Variants in RFX4 observed in about 807,000 individuals in gnomAD.
RFX4 encodes the protein regulatory factor X4.
Under a neutral mutation model 95.0 loss-of-function variants are expected in RFX4, and 10 were observed. The ratio of observed to expected loss-of-function variants is 0.11; its 90% CI spans 0.06 to 0.18. The LOEUF is 0.18. RFX4 is among the 10% of genes least tolerant of loss of function. The probability of loss-of-function intolerance (pLI) is 1.00; values close to 1 mark genes in which losing one functional copy is unlikely to be tolerated. For missense variants in RFX4, 640 were observed against 922.0 expected (o/e 0.69, Z 3.96); for synonymous variants, 321 against 340.7 (o/e 0.94, Z 0.64).
intron 4 of RFX4, among the ~76,000 whole-genome samples, chr12:106,673,003 G>A (rs2041316351): frequency 6.6e-6 from 1 of 152,170 alleles, no homozygotes; most frequent in African/African-American, 2.4e-5. Flanking sequence ...TTCGGAGGAG[G>A]AGGAGAAGAT....
intron 2 of RFX4, among the ~76,000 whole-genome samples, chr12:106,629,250 T>C (rs947764450): frequency 5.3e-5 from 8 of 152,170 alleles, no homozygotes; most frequent in African/African-American, 1.9e-4. Context: ...TGCATTCTAA[T>C]TTAGTTACCC....
chr12:106,754,922 A>G (rs568830359), intron 17 of RFX4, among the ~76,000 whole-genome samples: 2 of 152,356 alleles, frequency 1.3e-5, no homozygotes, highest in South Asian at 2.1e-4. Flanking sequence ...GAAATTAATT[A>G]TATCAGTCTC....
At chr12:106,660,164 G>A (rs1163045271) in intron 4 of RFX4, among the ~76,000 whole-genome samples, 1 of 152,002 alleles carries the variant, frequency 6.6e-6, no homozygotes, top group Non-Finnish European at 1.5e-5. Flanking sequence ...GCTGGAAGAT[G>A]GGATACAGAG....
chr12:106,647,309 T>TC (rs140484094), intron 3 of RFX4, among the ~76,000 whole-genome samples: 2,090 of 152,326 alleles, frequency 0.014, 27 homozygotes, highest in Middle Eastern at 0.048. Context: ...GCCTAGCTTT[T>TC]CCCAGCAGAG....
At chr12:106,692,539 A>G (rs1565982288) in intron 7 of RFX4, among the ~76,000 whole-genome samples, 1 of 152,372 alleles carries the variant, frequency 6.6e-6, no homozygotes, top group East Asian at 1.9e-4. Flanking sequence ...AATGAACTAA[A>G]TATGAACATG....
intron 16 of RFX4, among the ~76,000 whole-genome samples, chr12:106,750,049 T>C (rs2042969848): frequency 6.6e-6 from 1 of 152,180 alleles, no homozygotes; most frequent in African/African-American, 2.4e-5. Flanking sequence ...GATGTTTGGC[T>C]CAGGGCTAGA....
intron 5 of RFX4, 93 bp from the exon 6 acceptor site, chr12:106,686,791 T>A (rs1252497163): frequency 8.2e-7 from 1 of 1,221,244 alleles, no homozygotes; most frequent in African/African-American, 1.5e-5. Context: ...TGGGCAACAC[T>A]CCCTACTCAG....
intron 2 of RFX4, among the ~76,000 whole-genome samples, chr12:106,610,664 A>T (rs2039942107): frequency 6.6e-6 from 1 of 152,242 alleles, no homozygotes; most frequent in African/African-American, 2.4e-5. Flanking sequence ...TGAAGGCCGA[A>T]TAATATTCCT....
chr12:106,745,286 A>G (rs2042871053), intron 15 of RFX4, among the ~76,000 whole-genome samples: 1 of 152,302 alleles, frequency 6.6e-6, no homozygotes, highest in South Asian at 2.1e-4. Flanking sequence ...AGGGTGTGTG[A>G]CAAGCACTCA....
intron 7 of RFX4, among the ~76,000 whole-genome samples, chr12:106,690,394 G>C (rs7486592): frequency 6.6e-6 from 1 of 152,102 alleles, no homozygotes; most frequent in Non-Finnish European, 1.5e-5. Context: ...GCTTTCTTTC[G>C]AACTGCGGTT....
At chr12:106,708,907 A>G (rs908339956) in intron 8 of RFX4, among the ~76,000 whole-genome samples, 1 of 152,148 alleles carries the variant, frequency 6.6e-6, no homozygotes, top group Non-Finnish European at 1.5e-5. Flanking sequence ...CCAAATGGCG[A>G]GCAGTTTGGT....
intron 7 of RFX4, among the ~76,000 whole-genome samples, chr12:106,691,423 C>A (rs528583970): frequency 1.3e-5 from 2 of 152,358 alleles, no homozygotes; most frequent in Admixed American, 1.3e-4. Context: ...ACCCCACTGG[C>A]AGGAATATTT....
chr12:106,750,811 G>C lies in RFX4; in HGVS notation c.1935+18G>C, dbSNP rs756953284. 5.2e-6 allele frequency: 8 copies of C among 1,528,608 alleles called. No individual in the cohort carries two copies. Among genetic ancestry groups the C allele is most frequent in the Non-Finnish European group, 7.0e-6 (8 of 1,140,826 alleles). 94.7% of individuals were successfully genotyped at this position (1,528,608 alleles called of 1,614,324 possible). On this transcript the variant is annotated intron_variant, in intron 17 of 17. Transcript: ENST00000392842. ...CTGCACAGGTGAGTCAGTGGTCCTG[G>C]TTTCTTGGCCAGGCCTTGGTATACT... is the stretch of plus-strand genomic sequence containing the variant.
At chr12:106,609,048 G>C (rs986559978) in intron 2 of RFX4, among the ~76,000 whole-genome samples, 165 bp downstream of exon 2, 1 of 152,128 alleles carries the variant, frequency 6.6e-6, no homozygotes, top group Non-Finnish European at 1.5e-5. Context: ...TTCCACAATG[G>C]GGAGAGGAAT....
At chr12:106,760,722 T>A (rs928664241) in intron 17 of RFX4, among the ~76,000 whole-genome samples, 4 of 152,246 alleles carry the variant, frequency 2.6e-5, no homozygotes, top group African/African-American at 7.2e-5. Context: ...AATAACATCA[T>A]TGTATTTTAC....
At chr12:106,638,172 T>C (rs774543367) in intron 2 of RFX4, among the ~76,000 whole-genome samples, 14 of 152,084 alleles carry the variant, frequency 9.2e-5, no homozygotes, top group Non-Finnish European at 1.5e-4. Context: ...CACTCCTGGC[T>C]AATTTTTGTA....
intron 4 of RFX4, among the ~76,000 whole-genome samples, chr12:106,674,589 CAA>C: frequency 6.6e-6 from 1 of 152,170 alleles, no homozygotes; most frequent in Admixed American, 6.5e-5. Flanking sequence ...CTCACCCTCC[CAA>C]AGTGTTGGGA....
intron 7 of RFX4, among the ~76,000 whole-genome samples, chr12:106,696,076 C>T (rs896427092): frequency 6.6e-6 from 1 of 152,210 alleles, no homozygotes; most frequent in African/African-American, 2.4e-5. Flanking sequence ...CAGCAGTGTG[C>T]ATGTTGCATG....
intron 15 of RFX4, 97 bp downstream of exon 15, chr12:106,733,182 C>A: frequency 7.5e-7 from 1 of 1,338,668 alleles, no homozygotes; most frequent in South Asian, 1.2e-5. Context: ...TTTCCACACA[C>A]ACAAAAAGCC....
Sources: gnomAD v4.1 joint callset for allele counts (sites outside exome capture counted in the v4.1 genomes callset) on GRCh38, gnomAD v4.1.1 for gene constraint, MANE v1.5 for transcripts, NCBI Gene and HGNC (gene_info 2026-07-23, HGNC 2026-07-21) for gene names.